Variants in IRAK3 observed in about 807,000 individuals in gnomAD.
IRAK3 encodes interleukin 1 receptor associated kinase 3.
A neutral mutation model predicts 56.6 loss-of-function variants in IRAK3; 57 were observed. The observed-to-expected ratio is 1.01, with a 90% CI of 0.81 to 1.26. The LOEUF is 1.26. IRAK3 is among the 50% of genes most tolerant of loss of function. The probability of loss-of-function intolerance (pLI) is 0.00; values close to 1 mark genes in which losing one functional copy is unlikely to be tolerated. For synonymous variants in IRAK3, 258 were observed against 255.7 expected (o/e 1.01, Z -0.09); for missense variants, 703 against 719.0 (o/e 0.98, Z 0.25).
At chr12:66,217,264 CT>C in intron 6 of IRAK3, 29 bp downstream of exon 6, 1 of 1,473,996 alleles carries the variant, frequency 6.8e-7, no homozygotes, top group Non-Finnish European at 9.5e-7. Flanking sequence ...GAATTTCCTC[CT>C]CTTTGTGCCT....
rs147137247 is a variant in IRAK3 at position 66,213,248 on chromosome 12, T to C, written c.588+1651T>C. Reference sequence around the variant, plus strand: ...TTATTCACTGTCACAAGAACAGCACTGGAAAGACCCACCCCCATGATTCAA... The same window carrying C: ...TTATTCACTGTCACAAGAACAGCACCGGAAAGACCCACCCCCATGATTCAA... On this transcript the variant is annotated intron_variant, in intron 5 of 11. Transcript: ENST00000261233. 8.6e-3 allele frequency among the ~76,000 whole-genome samples: 1,308 copies of C among 152,022 alleles called. 24 individuals are homozygous for C. The highest frequency in any genetic ancestry group is 0.03 in the African/African-American group (1,239 of 41,458).
intron 1 of IRAK3, 148 bp from the exon 2 acceptor site, chr12:66,203,563 A>G (rs1356334831): frequency 5.4e-6 from 4 of 745,374 alleles, no homozygotes; most frequent in Non-Finnish European, 9.1e-6. Context: ...GCAGGTGAAT[A>G]TATTCCAAAT....
At chr12:66,195,207 A>G (rs772992742) in intron 1 of IRAK3, among the ~76,000 whole-genome samples, 1 of 152,162 alleles carries the variant, frequency 6.6e-6, no homozygotes, top group Admixed American at 6.5e-5. Context: ...TCAGTAAATA[A>G]TGCTGCTGAC....
intron 6 of IRAK3, among the ~76,000 whole-genome samples, chr12:66,223,460 C>T (rs1249873404): frequency 1.3e-5 from 2 of 151,724 alleles, no homozygotes; most frequent in African/African-American, 2.4e-5. Flanking sequence ...GAGATCAAGA[C>T]CATCCTGGCT....
intron 8 of IRAK3, among the ~76,000 whole-genome samples, chr12:66,235,449 C>G (rs2052896570): frequency 6.6e-6 from 1 of 151,428 alleles, no homozygotes; most frequent in African/African-American, 2.4e-5. Context: ...GGGGCTGCAG[C>G]TCCGCGCTGA....
In IRAK3 at chr12:66,189,595, G is replaced by T. The variant is rs572430673; in HGVS notation, c.133+163G>T. On this transcript the variant is annotated intron_variant, in intron 1 of 11. Transcript: ENST00000261233. ...CCTCCTTTCCTGGGTTGGATGCAGA[G>T]ACTCCCTGGGACCCAGATGCCTTCC... Among the ~76,000 whole-genome samples, 11 of 152,304 alleles carry T rather than the reference G, an allele frequency of 7.2e-5. No individual in the cohort carries two copies. In the South Asian group the frequency reaches 1.7e-3, roughly 23 times the overall value.
At position 66,249,195 on chromosome 12, in the gene IRAK3, G is replaced by C. The variant is rs968314210; in HGVS notation, c.*1024G>C. On this transcript the variant is annotated 3_prime_UTR_variant, in exon 12 of 12. Coordinates refer to ENST00000261233, the MANE Select transcript of IRAK3 (RefSeq NM_007199.3). The stretch of plus-strand genomic sequence containing the variant: ...CTTTTTTTTTTTGAGACGGAGTCTC[G>C]CTCTGTCATCCAGGCTGGAGTGCAG... 2 of 151,204 alleles carry C rather than the reference G, an allele frequency of 1.3e-5. No individual in the cohort carries two copies. Among genetic ancestry groups the C allele is most frequent in the Non-Finnish European group, 2.9e-5 (2 of 67,920 alleles). The allele number at this position is 151,204 out of a possible 1,614,324, so 9.4% of individuals were successfully genotyped here.
intron 6 of IRAK3, among the ~76,000 whole-genome samples, chr12:66,218,863 ACT>A (rs1213490223): frequency 6.6e-6 from 1 of 151,754 alleles, no homozygotes; most frequent in Non-Finnish European, 1.5e-5. Flanking sequence ...CTATTTTTCT[ACT>A]CTCTGCTTCT....
intron 7 of IRAK3, among the ~76,000 whole-genome samples, chr12:66,227,768 A>T (rs960589916): frequency 2.0e-5 from 3 of 151,696 alleles, no homozygotes; most frequent in African/African-American, 4.8e-5. Context: ...TCTCAAAAAA[A>T]AAAAAAAAAA....
chr12:66,218,407 G>A (rs2052698723), intron 6 of IRAK3, among the ~76,000 whole-genome samples: 2 of 152,048 alleles, frequency 1.3e-5, no homozygotes, highest in African/African-American at 4.8e-5. Flanking sequence ...ACTTATTTGA[G>A]TATATCTGTA....
chr12:66,200,524 T>G (rs1356172283), intron 1 of IRAK3, among the ~76,000 whole-genome samples: 1 of 152,152 alleles, frequency 6.6e-6, no homozygotes, highest in Non-Finnish European at 1.5e-5. Flanking sequence ...TTGGCAGCAC[T>G]AGTAATGTCT....
intron 5 of IRAK3, 111 bp downstream of exon 5, chr12:66,211,708 T>G (rs2052614118): frequency 1.1e-6 from 1 of 918,696 alleles, no homozygotes; most frequent in Non-Finnish European, 1.7e-6. Flanking sequence ...AAAATAAAAT[T>G]TTATAAGTGG....
intron 2 of IRAK3, among the ~76,000 whole-genome samples, chr12:66,208,173 T>G (rs1195416667): frequency 6.6e-6 from 1 of 152,182 alleles, no homozygotes; most frequent in African/African-American, 2.4e-5. Flanking sequence ...ATGAAAGTTT[T>G]CTAGTCTGAG....
chr12:66,245,185 A>G lies in IRAK3; in HGVS notation c.1237A>G (p.Asn413Asp), dbSNP rs779178353. The part of the protein sequence containing the change: ...LDKKVPPCPR[N>D]FSAKLFCLAG... Reference sequence around the variant, plus strand: ...TAAGAAAGTGCCTCCCTGCCCTCGGAATTTCTCTGCCAAGCTCTTCTGTTT... The same window carrying G: ...TAAGAAAGTGCCTCCCTGCCCTCGGGATTTCTCTGCCAAGCTCTTCTGTTT... The change falls in exon 11 of 12, where the codon AAT becomes GAT. Residue 413 changes from asparagine (N) to aspartate (D), a missense_variant. Transcript: ENST00000261233. The G allele has an allele frequency of 6.2e-7, 1 of 1,614,156 alleles. No homozygotes were observed. Among genetic ancestry groups the G allele is most frequent in the African/African-American group, 1.3e-5 (1 of 75,034 alleles).
chr12:66,194,234 T>C (rs1034759830), intron 1 of IRAK3, among the ~76,000 whole-genome samples: 1 of 152,194 alleles, frequency 6.6e-6, no homozygotes, highest in African/African-American at 2.4e-5. Flanking sequence ...CACTGTGTTA[T>C]TTCTGTCACA....
At position 66,204,778 on chromosome 12, in the gene IRAK3, GCACACACACACA is replaced by G. The variant is rs59511601; in HGVS notation, c.316+916_316+927del. Reference sequence around the variant, plus strand: ...ATATTTAGTGCGCATGAGCCCTTGCGCACACACACACACACACACACACACACACACACACAC... The same window carrying G: ...ATATTTAGTGCGCATGAGCCCTTGCGCACACACACACACACACACACACAC... On this transcript the variant is annotated intron_variant, in intron 2 of 11. Transcript: ENST00000261233. Among the ~76,000 whole-genome samples, 856 of 147,916 alleles carry G rather than the reference GCACACACACACA, an allele frequency of 5.8e-3. 12 individuals carry two copies. Among genetic ancestry groups the G allele is most frequent in the African/African-American group, 0.019 (769 of 40,604 alleles).
rs142170277 is a variant in IRAK3 at position 66,247,863 on chromosome 12, G to A, written c.1483G>A (p.Gly495Ser). 3.1e-6 allele frequency: 5 copies of A among 1,614,080 alleles called. No individual in the cohort carries two copies. In the African/African-American group the frequency reaches 5.3e-5, roughly 17 times the overall value. ...TAACAATTTACTACCTTCTGATGAA[G>A]GCCTGAGGATAGACAGAATGACTCA... The part of the protein sequence containing the change: ...QNNNLLPSDE[G>S]LRIDRMTQKT... Residue 495 changes from glycine (G) to serine (S), a missense_variant, in exon 12 of 12, where the codon GGC becomes AGC. Transcript: ENST00000261233.
At chr12:66,196,821 G>T in intron 1 of IRAK3, 1 of 1,418,926 alleles carries the variant, frequency 7.0e-7, no homozygotes, top group Non-Finnish European at 9.2e-7. Context: ...TTAAAAAATT[G>T]TCTAATTTTT....
intron 2 of IRAK3, among the ~76,000 whole-genome samples, chr12:66,208,910 A>G (rs1237384458): frequency 2.0e-5 from 3 of 151,354 alleles, no homozygotes; most frequent in African/African-American, 7.3e-5. Flanking sequence ...CTAAAAATAC[A>G]AAAAAAATTA....
Sources: gnomAD v4.1 joint callset for allele counts (sites outside exome capture counted in the v4.1 genomes callset) on GRCh38, gnomAD v4.1.1 for gene constraint, MANE v1.5 for transcripts, NCBI Gene and HGNC (gene_info 2026-07-23, HGNC 2026-07-21) for gene names.